Variants in FRAS1 observed in about 807,000 individuals in gnomAD.
FRAS1 encodes Fraser extracellular matrix complex subunit 1.
A neutral mutation model predicts 435.2 loss-of-function variants in FRAS1; 290 were observed. That is an observed-to-expected ratio of 0.67 (90% CI 0.61 to 0.73). The LOEUF is 0.73. Among genes scored for constraint, FRAS1 ranks in the 30% least tolerant of loss-of-function variants. The pLI is 0.00. For missense variants in FRAS1, 4,860 were observed against 5,001.5 expected (o/e 0.97, Z 0.85); for synonymous variants, 1,800 against 1,851.0 (o/e 0.97, Z 0.71).
At chr4:78,534,360 G>C in intron 70 of FRAS1, 89 bp from the exon 71 acceptor site, 1 of 1,047,740 alleles carries the variant, frequency 9.5e-7, no homozygotes, top group Non-Finnish European at 1.4e-6. Flanking sequence ...GTACAATCCT[G>C]TGGAGGGTGG....
intron 61 of FRAS1, among the ~76,000 whole-genome samples, chr4:78,502,043 T>C (rs924141135): frequency 2.6e-5 from 4 of 152,236 alleles, no homozygotes; most frequent in Non-Finnish European, 4.4e-5. Context: ...TGTGGTGTTA[T>C]TTCTGAGGCC....
intron 2 of FRAS1, among the ~76,000 whole-genome samples, chr4:78,153,827 A>C (rs1488164989): frequency 6.6e-6 from 1 of 152,162 alleles, no homozygotes; most frequent in Non-Finnish European, 1.5e-5. Flanking sequence ...TTCCCTTGTC[A>C]TATTCTGTGA....
chr4:78,420,657 TTAGATTGAGAAAAA>T (rs1292543757), intron 33 of FRAS1, among the ~76,000 whole-genome samples: 1 of 117,196 alleles, frequency 8.5e-6, no homozygotes, highest in Non-Finnish European at 2.1e-5. Context: ...AGGAAAGAAG[TTAGATTGAGAAAAA>T]TCTTTTTATA....
chr4:78,329,914 T>C (rs1729876059), intron 18 of FRAS1, among the ~76,000 whole-genome samples: 1 of 152,186 alleles, frequency 6.6e-6, no homozygotes, highest in Non-Finnish European at 1.5e-5. Flanking sequence ...GGCTCCACTG[T>C]AGTAAATTTT....
At position 78,441,310 on chromosome 4, in the gene FRAS1, G is replaced by A; in HGVS notation, c.5665+13G>A. 6.2e-7 allele frequency: 1 copy of A among 1,607,122 alleles called. No homozygotes were observed. Among genetic ancestry groups the A allele is most frequent in the Non-Finnish European group, 8.5e-7 (1 of 1,176,464 alleles). ...AACACAGGAACAGGTACTACTTCCT[G>A]TAAAACTGTTAAGGACCTTGAGAGA... On this transcript the variant is annotated intron_variant, in intron 41 of 73. Coordinates refer to ENST00000512123, the MANE Select transcript of FRAS1 (RefSeq NM_025074.7).
chr4:78,269,183 C>A (rs919463706), intron 9 of FRAS1, among the ~76,000 whole-genome samples: 4 of 152,126 alleles, frequency 2.6e-5, no homozygotes, highest in African/African-American at 9.7e-5. Context: ...TAGCTTGTAT[C>A]CCTGGTGATA....
intron 26 of FRAS1, among the ~76,000 whole-genome samples, chr4:78,376,170 T>C (rs1456722810): frequency 2.0e-5 from 3 of 152,198 alleles, no homozygotes; most frequent in Non-Finnish European, 4.4e-5. Flanking sequence ...TACAGCCATG[T>C]TATAGAAAAT....
intron 2 of FRAS1, among the ~76,000 whole-genome samples, chr4:78,077,619 T>C (rs897675016): frequency 4.6e-5 from 7 of 151,854 alleles, no homozygotes; most frequent in African/African-American, 1.5e-4. Context: ...CGAGTCTCCA[T>C]TGTCTATCAT....
intron 3 of FRAS1, among the ~76,000 whole-genome samples, chr4:78,240,347 G>A (rs1320129017): frequency 3.3e-5 from 5 of 152,178 alleles, no homozygotes; most frequent in Admixed American, 2.6e-4. Context: ...AGCACTGATA[G>A]TGTAGGGATC....
chr4:78,150,775 G>A (rs1468196249), intron 2 of FRAS1, among the ~76,000 whole-genome samples: 1 of 152,128 alleles, frequency 6.6e-6, no homozygotes, highest in Non-Finnish European at 1.5e-5. Flanking sequence ...TGCTACAGCC[G>A]AATGATTAAC....
intron 49 of FRAS1, among the ~76,000 whole-genome samples, chr4:78,465,355 A>G (rs1719493871): frequency 6.6e-6 from 1 of 152,238 alleles, no homozygotes. Context: ...GGAACATATT[A>G]TATCAGATAC....
At chr4:78,421,786 G>A in intron 33 of FRAS1, 77 bp from the exon 34 acceptor site, 2 of 1,505,162 alleles carry the variant, frequency 1.3e-6, no homozygotes, top group Non-Finnish European at 1.8e-6. Context: ...AACAAGAAGA[G>A]CAGGCTCTAT....
intron 5 of FRAS1, among the ~76,000 whole-genome samples, chr4:78,254,172 C>T (rs1390648726): frequency 6.6e-6 from 1 of 152,066 alleles, no homozygotes; most frequent in Non-Finnish European, 1.5e-5. Flanking sequence ...CTTTGTGGAT[C>T]TGTGTCCCCT....
At chr4:78,127,897 T>C (rs1174111898) in intron 2 of FRAS1, among the ~76,000 whole-genome samples, 1 of 128,968 alleles carries the variant, frequency 7.8e-6, no homozygotes, top group Middle Eastern at 3.4e-3. Context: ...TGCTATCCCT[T>C]CCCCCTCCCC....
Position 78,172,134 on chromosome 4 carries a change from C to G in FRAS1, c.109-65376C>G, listed in dbSNP as rs71611003. ...GCATCCCCCTGTGTGTTTCCTGCCT[C>G]ACTGTTTCCCTGTAGTGTCTGTATC... On this transcript the variant is annotated intron_variant, in intron 2 of 73. Coordinates refer to ENST00000512123, the MANE Select transcript of FRAS1 (RefSeq NM_025074.7). 1.5e-3 allele frequency among the ~76,000 whole-genome samples: 222 copies of G among 152,254 alleles called. 2 individuals carry two copies. Among genetic ancestry groups the G allele is most frequent in the Non-Finnish European group, 2.7e-3 (185 of 68,022 alleles).
intron 2 of FRAS1, among the ~76,000 whole-genome samples, chr4:78,168,028 C>T (rs1341421004): frequency 6.6e-6 from 1 of 151,576 alleles, no homozygotes; most frequent in Non-Finnish European, 1.5e-5. Flanking sequence ...CTATTTTCTT[C>T]TGTATTCAAT....
At chr4:78,338,537 A>G (rs542587779) in intron 20 of FRAS1, among the ~76,000 whole-genome samples, 4 of 152,308 alleles carry the variant, frequency 2.6e-5, no homozygotes, top group Admixed American at 2.6e-4. Flanking sequence ...TTCTTGATCC[A>G]CTTTTTCAAA....
chr4:78,486,227 C>T (rs948514769), intron 58 of FRAS1, among the ~76,000 whole-genome samples: 2 of 152,142 alleles, frequency 1.3e-5, no homozygotes, highest in Admixed American at 6.6e-5. Context: ...CAGGCACTGG[C>T]GTTTACATTC....
rs1560753038 is a variant in FRAS1, at chr4:78,483,799, A to ATATATATATAT, written c.8752+1264_8752+1265insTATATATATAT. 9.9e-3 allele frequency among the ~76,000 whole-genome samples: 663 copies of ATATATATATAT among 67,180 alleles called. 53 individuals are homozygous for ATATATATATAT. Among genetic ancestry groups the ATATATATATAT allele is most frequent in the African/African-American group, 0.019 (449 of 23,948 alleles). 44.1% of individuals were successfully genotyped at this position (67,180 alleles called of 152,430 possible). A position where few individuals can be genotyped will look rare whatever the true frequency, so the allele number is the denominator to read the frequency against. The stretch of plus-strand genomic sequence containing the variant: ...CTCTCTCTCTATATATATATATATA[A>ATATATATATAT]AATTATGTATGTGTGATACACACAC... On this transcript the variant is annotated intron_variant, in intron 58 of 73. Coordinates refer to ENST00000512123, the MANE Select transcript of FRAS1 (RefSeq NM_025074.7).
Sources: allele counts gnomAD v4.1 joint callset (sites outside exome capture counted in the v4.1 genomes callset), GRCh38; gene constraint gnomAD v4.1.1; transcripts MANE v1.5; gene names NCBI Gene and HGNC (gene_info 2026-07-23, HGNC 2026-07-21).